CASP8: variants seen among roughly 807,000 people sequenced by gnomAD.
CASP8 encodes caspase-8.
A neutral mutation model predicts 46.3 loss-of-function variants in CASP8; 24 were observed. The observed-to-expected ratio is 0.52, with a 90% CI of 0.38 to 0.73. CASP8 has a LOEUF of 0.73. Ranked by LOEUF, CASP8 falls within the 30% of genes least tolerant of loss-of-function variation. The pLI is 0.00. For synonymous variants in CASP8, 188 were observed against 200.4 expected, an observed-to-expected ratio of 0.94 and a Z score of 0.52; for missense variants, 460 against 559.0, an observed-to-expected ratio of 0.82 and a Z score of 1.79.
upstream of CASP8, among the ~76,000 whole-genome samples, chr2:201,257,123 C>T (rs887040329): frequency 6.6e-6 from 1 of 151,524 alleles, no homozygotes; most frequent in Non-Finnish European, 1.5e-5. Context: ...CCAGCCTGGG[C>T]AACAAGAGCG....
chr2:201,272,023 AGT>A lies in CASP8; in HGVS notation c.411+409_411+410del, dbSNP rs1298183320. ...TCTGTGTGTGCCTTTCTCTGTGTAT[AGT>A]GTGTGTCTGTATTTGTGTGTGATAT... is the stretch of plus-strand genomic sequence containing the variant. On this transcript the variant is annotated intron_variant, in intron 3 of 8. Transcript: ENST00000673742. The surrounding 1 kb of genome is among the most constrained non-coding windows in gnomAD (Gnocchi z 4.4). Among the ~76,000 whole-genome samples the A allele has an allele frequency of 2.0e-5, 3 of 149,958 alleles. No individual in the cohort carries two copies. The highest frequency in any genetic ancestry group is 7.4e-5 in the African/African-American group (3 of 40,544).
rs1418224177 is a variant in CASP8 at position 201,286,522 on chromosome 2, G to C, written c.1368G>C (p.Lys456Asn). The C allele has an allele frequency of 6.2e-7, 1 of 1,613,992 alleles. No homozygotes were observed. The highest frequency in any genetic ancestry group is 8.5e-7 in the Non-Finnish European group (1 of 1,179,872). ...ATGAAGTAAGCAACAAGGATGACAAGAAAAACATGGGGAAACAGATGCCTC... is the reference window on the plus strand; with the variant it reads ...ATGAAGTAAGCAACAAGGATGACAACAAAAACATGGGGAAACAGATGCCTC... ...VNYEVSNKDD[K>N]KNMGKQMPQP... Residue 456 changes from lysine to asparagine, a missense_variant, in exon 9 of 9, where the codon AAG becomes AAC. Coordinates refer to ENST00000673742, the MANE Select transcript of CASP8 (RefSeq NM_001372051.1).
chr2:201,271,473 A>C, intron 2 of CASP8, 43 bp from the exon 3 acceptor site: 1 of 1,209,600 alleles, frequency 8.3e-7, no homozygotes, highest in East Asian at 2.3e-5. Flanking sequence ...ATGGGAAATT[A>C]TTTGGGAAAA....
At chr2:201,254,081 C>CAAA in intron 2 of CASP8, among the ~76,000 whole-genome samples, 1 of 134,814 alleles carries the variant, frequency 7.4e-6, no homozygotes, top group Admixed American at 7.6e-5. Context: ...AACTCCATCT[C>CAAA]AAAAAAAAAA....
intron 7 of CASP8, among the ~76,000 whole-genome samples, chr2:201,277,543 T>C (rs1349193240): frequency 2.0e-5 from 3 of 152,182 alleles, no homozygotes; most frequent in Non-Finnish European, 1.5e-5. Context: ...TCCATCACCA[T>C]TGAGAGATTA....
rs2125491560 is a variant in CASP8, at chr2:201,285,296, G to A, written c.1283G>A (p.Ser428Asn). 2 of 1,613,782 alleles carry A rather than the reference G, an allele frequency of 1.2e-6. No homozygotes were observed. Among genetic ancestry groups the A allele is most frequent in the Non-Finnish European group, 1.7e-6 (2 of 1,180,032 alleles). Residue 428 changes from serine (S) to asparagine (N), a missense_variant, in exon 8 of 9, where the codon AGC (serine) becomes AAC (asparagine). Physicochemically the swap from Ser to Asn is conservative, Grantham distance 46. Coordinates refer to ENST00000673742, the MANE Select transcript of CASP8 (RefSeq NM_001372051.1). ...TGGTACATCCAGTCACTTTGCCAGA[G>A]CCTGAGAGAGCGATGTCCTCGGTAA... Reference protein sequence around the residue: ...GTWYIQSLCQSLRERCPRGDD... With the variant: ...GTWYIQSLCQNLRERCPRGDD...
At chr2:201,268,586 A>G (rs1947996367) in intron 2 of CASP8, among the ~76,000 whole-genome samples, 1 of 152,188 alleles carries the variant, frequency 6.6e-6, no homozygotes, top group African/African-American at 2.4e-5. Flanking sequence ...TGGGTATATA[A>G]GTTTCCTAGG....
Position 201,266,570 on chromosome 2 carries a change from C to T in CASP8, c.84C>T (p.Asp28=), listed in dbSNP as rs368413113. Residue 28 remains aspartate, a synonymous_variant, in exon 2 of 9, where the codon GAC becomes GAT. Transcript: ENST00000673742. The surrounding 1 kb of genome is among the most constrained non-coding windows in gnomAD (Gnocchi z 5.7). ...CCTCCCTCAAGTTCCTGAGCCTGGA[C>T]TACATTCCGCAAAGGAAGCAAGAAC... ...DLASLKFLSL[D]YIPQRKQEPI... 3.1e-6 allele frequency: 5 copies of T among 1,614,034 alleles called. No individual in the cohort carries two copies. The highest frequency in any genetic ancestry group is 4.2e-6 in the Non-Finnish European group (5 of 1,180,000).
chr2:201,260,975 C>T (rs537569628), intron 1 of CASP8, among the ~76,000 whole-genome samples: 31 of 152,180 alleles, frequency 2.0e-4, no homozygotes, highest in Non-Finnish European at 3.5e-4. Flanking sequence ...GACTTTGCTG[C>T]TACAGCTATC....
chr2:201,276,176 G>C (rs1948617255), intron 6 of CASP8, among the ~76,000 whole-genome samples: 2 of 152,132 alleles, frequency 1.3e-5, no homozygotes, highest in Non-Finnish European at 2.9e-5. Context: ...ATAGGACACA[G>C]CGCCATCCCT....
chr2:201,264,316 G>A (rs1947640369), intron 1 of CASP8, among the ~76,000 whole-genome samples: 9 of 152,096 alleles, frequency 5.9e-5, no homozygotes, highest in Admixed American at 5.9e-4. Context: ...AAGTTAAATT[G>A]TGGGCCAGTT....
chr2:201,253,055 G>A (rs1946856538), intron 2 of CASP8, among the ~76,000 whole-genome samples: 3 of 151,950 alleles, frequency 2.0e-5, no homozygotes, highest in Non-Finnish European at 2.9e-5. Flanking sequence ...TGCAATCATA[G>A]CTCACTGCAG....
intron 7 of CASP8, among the ~76,000 whole-genome samples, chr2:201,284,323 C>G (rs1463498957): frequency 1.4e-5 from 1 of 73,026 alleles, no homozygotes; most frequent in Non-Finnish European, 3.0e-5. Flanking sequence ...GAGGCCAAGG[C>G]AGGCGGCTGG....
Position 201,271,609 on chromosome 2 carries a change from GGAT to G in CASP8, c.405_407del (p.Asp136del). 1 of 1,582,640 alleles carries G rather than the reference GGAT, an allele frequency of 6.3e-7. No individual in the cohort carries two copies. Among genetic ancestry groups the G allele is most frequent in the Non-Finnish European group, 8.7e-7 (1 of 1,151,258 alleles). Reference sequence around the variant, plus strand: ...AAGAGGAAATCTCCAAATGCAAACTGGATGATGACATGGTAAGACCTGGTATCT... The same window carrying G: ...AAGAGGAAATCTCCAAATGCAAACTGGATGACATGGTAAGACCTGGTATCT... On this transcript the variant is annotated inframe_deletion, in exon 3 of 9. Transcript: ENST00000673742.
chr2:201,258,390 C>T (rs1402465798), upstream of CASP8: 2 of 1,613,876 alleles, frequency 1.2e-6, no homozygotes, highest in East Asian at 4.5e-5. Flanking sequence ...CGGGTGAGTG[C>T]CTGTTGCCAA....
intron 2 of CASP8, among the ~76,000 whole-genome samples, chr2:201,250,136 G>A (rs568777772): frequency 2.9e-4 from 44 of 152,200 alleles, no homozygotes; most frequent in East Asian, 2.7e-3. Context: ...ATCAAGGCCC[G>A]TTTGTTTAGT....
chr2:201,255,263 A>C (rs1047537860), intron 2 of CASP8, among the ~76,000 whole-genome samples: 11 of 152,134 alleles, frequency 7.2e-5, no homozygotes, highest in African/African-American at 2.7e-4. Flanking sequence ...TTTTTAGTAG[A>C]GATGGGGTTT....
chr2:201,259,054 G>A (rs1193143405), upstream of CASP8, among the ~76,000 whole-genome samples: 1 of 152,316 alleles, frequency 6.6e-6, no homozygotes, highest in South Asian at 2.1e-4. Flanking sequence ...GCCTCCAGAG[G>A]TGACTGTGAG....
chr2:201,277,551 T>C (rs1948714043), intron 7 of CASP8, among the ~76,000 whole-genome samples: 1 of 152,218 alleles, frequency 6.6e-6, no homozygotes, highest in South Asian at 2.1e-4. Context: ...CATTGAGAGA[T>C]TAATAATTTT....
Sources: gnomAD v4.1 joint callset for allele counts (sites outside exome capture counted in the v4.1 genomes callset) on GRCh38, gnomAD v4.1.1 for gene constraint, Gnocchi (gnomAD v3.1) non-coding constraint, MANE v1.5 for transcripts, NCBI Gene and HGNC (gene_info 2026-07-23, HGNC 2026-07-21) for gene names.